Variants in FBXO34 observed in about 807,000 individuals in gnomAD.
FBXO34 encodes F-box protein 34, also known as F-box only protein 34.
In FBXO34, 12 loss-of-function variants were observed where a neutral mutation model predicts 24.5. The observed-to-expected ratio is 0.49, with a 90% CI of 0.31 to 0.79. FBXO34 has a LOEUF of 0.79. FBXO34 is among the 30% of genes least tolerant of loss of function. The pLI, the probability that FBXO34 is intolerant of heterozygous loss-of-function variation, is 0.04. For missense variants in FBXO34, 823 were observed against 857.7 expected, an observed-to-expected ratio of 0.96 and a Z score of 0.51; for synonymous variants, 320 against 311.9, an observed-to-expected ratio of 1.03 and a Z score of -0.27.
intron 1 of FBXO34, chr14:55,282,377 C>G (rs565696832): frequency 2.3e-6 from 1 of 426,310 alleles, no homozygotes; most frequent in East Asian, 6.4e-5. Flanking sequence ...CACCCTTGAT[C>G]CTGTCATGGA....
At chr14:55,281,193 A>G (rs975369745) in intron 1 of FBXO34, among the ~76,000 whole-genome samples, 3 of 140,852 alleles carry the variant, frequency 2.1e-5, no homozygotes, top group African/African-American at 2.6e-5. Flanking sequence ...GTTTTAGGTT[A>G]TGGTGAGCTA....
At chr14:55,348,192 TTTGG>T (rs932781219) in intron 1 of FBXO34, among the ~76,000 whole-genome samples, 3 of 152,136 alleles carry the variant, frequency 2.0e-5, no homozygotes, top group South Asian at 2.1e-4. Context: ...AAAGGTTTTG[TTTGG>T]TTGGTTGGTT....
the FBXO34 span, among the ~76,000 whole-genome samples, chr14:55,438,109 G>T: frequency 9.9e-5 from 15 of 152,262 alleles, no homozygotes; most frequent in South Asian, 1.0e-3. Context: ...CTGGACTCCA[G>T]ATTTTGAGCA....
rs188799411 is a variant in FBXO34, at chr14:55,340,032, T to C, written c.-10-10349T>C. Among the ~76,000 whole-genome samples the C allele has an allele frequency of 4.4e-3, 674 of 152,274 alleles. 4 individuals are homozygous for C. The highest frequency in any genetic ancestry group is 0.034 in the Middle Eastern group (10 of 294). On this transcript the variant is annotated intron_variant, in intron 1 of 1. Coordinates refer to ENST00000313833, the MANE Select transcript of FBXO34 (RefSeq NM_017943.4). ...CTGACAGAAGTCTTAACTTGCCAAG[T>C]CTTTTGTCTACATTGATGCTATAAG...
the FBXO34 span, among the ~76,000 whole-genome samples, chr14:55,410,996 T>A: frequency 7.2e-5 from 11 of 152,328 alleles, no homozygotes; most frequent in East Asian, 7.7e-4. Context: ...CAGCTCCCAA[T>A]CTGAATTTTA....
chr14:55,371,654 A>G (rs1884820240), downstream of FBXO34, among the ~76,000 whole-genome samples: 1 of 152,118 alleles, frequency 6.6e-6, no homozygotes, highest in South Asian at 2.1e-4. Flanking sequence ...AATACAAAAA[A>G]TTAGCTGGGT....
At chr14:55,284,505 T>G (rs1211529228) in intron 1 of FBXO34, among the ~76,000 whole-genome samples, 1 of 131,120 alleles carries the variant, frequency 7.6e-6, no homozygotes, top group Non-Finnish European at 1.6e-5. Context: ...AGAGTGAACC[T>G]CTGTCTCCAA....
At chr14:55,303,380 A>G (rs1285653422) in intron 1 of FBXO34, among the ~76,000 whole-genome samples, 1 of 152,220 alleles carries the variant, frequency 6.6e-6, no homozygotes, top group Admixed American at 6.5e-5. Flanking sequence ...TCAAGGCCAT[A>G]GAACTAAGAT....
At chr14:55,416,166 G>A in the FBXO34 span, among the ~76,000 whole-genome samples, 3 of 152,120 alleles carry the variant, frequency 2.0e-5, no homozygotes, top group Non-Finnish European at 4.4e-5. Context: ...AGGTAGAGCC[G>A]GTGGTATATT....
the FBXO34 span, among the ~76,000 whole-genome samples, chr14:55,381,134 C>T: frequency 1.3e-5 from 2 of 152,074 alleles, no homozygotes; most frequent in South Asian, 4.1e-4. Context: ...TGTACAGCAT[C>T]TCGATCATTT....
intron 1 of FBXO34, among the ~76,000 whole-genome samples, chr14:55,281,629 C>G (rs1398412377): frequency 1.3e-5 from 2 of 152,204 alleles, no homozygotes; most frequent in African/African-American, 4.8e-5. Flanking sequence ...CCTTTCATTT[C>G]TCCAAATATT....
chr14:55,331,869 TAA>T, intron 1 of FBXO34, among the ~76,000 whole-genome samples: 1 of 78,994 alleles, frequency 1.3e-5, no homozygotes, highest in African/African-American at 5.9e-5. Flanking sequence ...GGTGTATATA[TAA>T]AAATATATAT....
chr14:55,414,699 C>T, the FBXO34 span, among the ~76,000 whole-genome samples: 2 of 152,150 alleles, frequency 1.3e-5, no homozygotes, highest in East Asian at 3.8e-4. Context: ...TCACACAGTG[C>T]TCAGTATGAA....
chr14:55,424,585 A>T, the FBXO34 span, among the ~76,000 whole-genome samples: 1 of 152,208 alleles, frequency 6.6e-6, no homozygotes, highest in Non-Finnish European at 1.5e-5. Context: ...GTCTGTTAAT[A>T]AGAATACATA....
the FBXO34 span, chr14:55,424,295 C>T: frequency 5.3e-6 from 7 of 1,314,692 alleles, no homozygotes; most frequent in Non-Finnish European, 7.7e-6. Context: ...TAGCACTATT[C>T]AGCTCCTTTC....
the FBXO34 span, among the ~76,000 whole-genome samples, chr14:55,375,626 G>A: frequency 6.6e-6 from 1 of 151,368 alleles, no homozygotes; most frequent in Admixed American, 6.6e-5. Context: ...TTATAGGCGT[G>A]AGCCACCATG....
chr14:55,301,672 ACT>A (rs902111561), intron 1 of FBXO34, among the ~76,000 whole-genome samples: 2 of 151,870 alleles, frequency 1.3e-5, no homozygotes, highest in African/African-American at 4.8e-5. Flanking sequence ...TAATTGTGAA[ACT>A]CTGCTCTCTT....
At chr14:55,362,807 C>A (rs548556385), downstream of FBXO34, among the ~76,000 whole-genome samples, 2 of 141,762 alleles carry the variant, frequency 1.4e-5, no homozygotes, top group African/African-American at 4.9e-5. Flanking sequence ...GAGCAACATA[C>A]TTACACTCCA....
the FBXO34 span, among the ~76,000 whole-genome samples, chr14:55,439,919 A>G: frequency 1.8e-5 from 2 of 112,904 alleles, no homozygotes; most frequent in African/African-American, 9.2e-5. Context: ...TGACAGAGCG[A>G]GACTCTGTCT....
Sources: gnomAD v4.1 joint callset for allele counts (sites outside exome capture counted in the v4.1 genomes callset) on GRCh38, gnomAD v4.1.1 for gene constraint, MANE v1.5 for transcripts, NCBI Gene and HGNC (gene_info 2026-07-23, HGNC 2026-07-21) for gene names.